The following JADE3 variants were observed in gnomAD, a reference collection of about 807,000 sequenced individuals.
JADE3 encodes jade family PHD finger 3.
Under a neutral mutation model 50.1 loss-of-function variants are expected in JADE3, and 2 were observed. The ratio of observed to expected loss-of-function variants is 0.04; its 90% CI spans 0.02 to 0.13. The LOEUF (loss-of-function observed/expected upper bound fraction) is 0.13, where lower values mean the gene tolerates loss of function less well. Among genes scored for constraint, JADE3 ranks in the 10% least tolerant of loss-of-function variants. JADE3 has a pLI of 1.00. For missense variants in JADE3, 475 were observed against 634.4 expected (o/e 0.75, Z 2.70); for synonymous variants, 218 against 232.9 (o/e 0.94, Z 0.58).
intron 1 of JADE3, among the ~76,000 whole-genome samples, chrX:46,927,064 A>G (rs781814043): frequency 1.8e-5 from 2 of 112,239 alleles, no homozygotes; most frequent in Non-Finnish European, 3.8e-5. Context: ...TGGTAAAACT[A>G]GTTAGCTAGA....
At chrX:47,032,625 G>C (rs1929046489) in intron 6 of JADE3, among the ~76,000 whole-genome samples, 1 of 111,468 alleles carries the variant, frequency 9.0e-6, no homozygotes, top group South Asian at 3.8e-4. Flanking sequence ...AGGAACGTCA[G>C]AGTCTTGGGG....
At position 46,983,793 on chromosome X, in the gene JADE3, G is replaced by T. The variant is rs183551953; in HGVS notation, c.-11-1091G>T. 9.2e-3 allele frequency among the ~76,000 whole-genome samples: 1,024 copies of T among 111,411 alleles called. 10 individuals are homozygous for T. Among genetic ancestry groups the T allele is most frequent in the Non-Finnish European group, 0.015 (787 of 53,083 alleles). ...CATTTCCAGAGACTTTAAATGGTTG[G>T]TTTTTTTTTAATTGAAATAACTTTC... On this transcript the variant is annotated intron_variant, in intron 1 of 10. Transcript: ENST00000614628.
In JADE3 at chrX:46,921,677, A is replaced by T. The variant is rs782137951; in HGVS notation, c.-12+8958A>T. On this transcript the variant is annotated intron_variant, in intron 1 of 10. Coordinates refer to ENST00000614628, the MANE Select transcript of JADE3 (RefSeq NM_014735.5). ...CTTTTCCAATGCTTTTCATTTCTTT[A>T]TGGTAATCCAGGTTTCCTACCTTGA... 3.6e-5 allele frequency among the ~76,000 whole-genome samples: 4 copies of T among 111,411 alleles called. No homozygotes were observed. The East Asian group carries it at 8.5e-4, about 24-fold the overall frequency.
chrX:47,024,767 C>G lies in JADE3; in HGVS notation c.328C>G (p.Arg110Gly). The change falls in exon 5 of 11, where the codon CGG becomes GGG. Residue 110 changes from arginine (R) to glycine (G), a missense_variant. This residue lies in a region of JADE3 where 54 missense variants were observed against 51.8 expected (regional missense o/e 1.04). Transcript: ENST00000614628. ...AAAGGACGTTCTGTTTATCCGACCC[C>G]GGAAGTATATTCACTGCTCCAGCCC... ...KVKDVLFIRPRKYIHCSSPDT... is the reference protein window; with the variant it reads ...KVKDVLFIRPGKYIHCSSPDT... 1 of 1,199,415 alleles carries G rather than the reference C, an allele frequency of 8.3e-7. No individual in the cohort carries two copies. The highest frequency in any genetic ancestry group is 1.1e-6 in the Non-Finnish European group (1 of 886,156).
intron 1 of JADE3, among the ~76,000 whole-genome samples, chrX:46,976,609 T>C (rs782417737): frequency 8.9e-6 from 1 of 112,170 alleles, no homozygotes; most frequent in Non-Finnish European, 1.9e-5. Context: ...TGCTCTGATC[T>C]GAGGACTAGA....
At chrX:46,991,598 G>A (rs1038574696) in intron 3 of JADE3, among the ~76,000 whole-genome samples, 3 of 111,685 alleles carry the variant, frequency 2.7e-5, no homozygotes, top group Non-Finnish European at 5.7e-5. Flanking sequence ...GGGTCATATA[G>A]TAACTCTACT....
At chrX:46,917,268 A>G (rs781825752) in intron 1 of JADE3, among the ~76,000 whole-genome samples, 3 of 110,519 alleles carry the variant, frequency 2.7e-5, no homozygotes, top group East Asian at 5.7e-4. Context: ...GTGTGTTTCT[A>G]TTTTTTCAAC....
chrX:46,961,535 A>G (rs1413637324), intron 1 of JADE3, among the ~76,000 whole-genome samples: 1 of 112,320 alleles, frequency 8.9e-6, no homozygotes, highest in Non-Finnish European at 1.9e-5. Context: ...AAAATGAAAT[A>G]TTTCTGTTTC....
chrX:46,947,014 CTTCTTTTCTT>C (rs782267780), intron 1 of JADE3, among the ~76,000 whole-genome samples: 1 of 111,010 alleles, frequency 9.0e-6, no homozygotes, highest in African/African-American at 3.3e-5. Flanking sequence ...TTTCTTTTCT[CTTCTTTTCTT>C]TTCTTTTCTC....
At position 46,947,773 on chromosome X, in the gene JADE3, G is replaced by A. The variant is rs1210489592; in HGVS notation, c.-12+35054G>A. Reference sequence around the variant, plus strand: ...GCTCATCCCCAGCATGAGAGGTACCGTGCCGTTTGGTCCATGTCCTGATAA... The same window carrying A: ...GCTCATCCCCAGCATGAGAGGTACCATGCCGTTTGGTCCATGTCCTGATAA... On this transcript the variant is annotated intron_variant, in intron 1 of 10. Transcript: ENST00000614628. Among the ~76,000 whole-genome samples the A allele has an allele frequency of 7.2e-5, 8 of 111,465 alleles. No individual in the cohort carries two copies. In the East Asian group the frequency reaches 2.0e-3, roughly 27 times the overall value.
chrX:46,940,898 A>G (rs1926737749), intron 1 of JADE3, among the ~76,000 whole-genome samples: 1 of 112,029 alleles, frequency 8.9e-6, no homozygotes, highest in Non-Finnish European at 1.9e-5. Context: ...CTAAGAAACA[A>G]CCTAGAAACT....
chrX:46,917,452 G>A (rs1164972391), intron 1 of JADE3, among the ~76,000 whole-genome samples: 2 of 111,024 alleles, frequency 1.8e-5, no homozygotes, highest in African/African-American at 6.6e-5. Context: ...GTGAAGCAAA[G>A]GTAACTTGCC....
intron 1 of JADE3, among the ~76,000 whole-genome samples, chrX:46,935,489 T>A (rs1456182240): frequency 9.1e-6 from 1 of 110,396 alleles, no homozygotes; most frequent in Non-Finnish European, 1.9e-5. Context: ...AGGTGAACAG[T>A]GGGCAAGCAA....
chrX:47,049,354 G>A lies in JADE3; in HGVS notation c.973-4804G>A, dbSNP rs370322477. On this transcript the variant is annotated intron_variant, in intron 8 of 10. Coordinates refer to ENST00000614628, the MANE Select transcript of JADE3 (RefSeq NM_014735.5). ...GGTGCCCGCCTGTAATTTTTAGTAG[G>A]GATGGGGTTTCACCATCTTGGCCAG... 4.5e-3 allele frequency among the ~76,000 whole-genome samples: 494 copies of A among 108,728 alleles called. 2 individuals are homozygous for A. Among genetic ancestry groups the A allele is most frequent in the African/African-American group, 0.016 (474 of 29,794 alleles). 94.4% of individuals were successfully genotyped at this position (108,728 alleles called of 115,157 possible). A position where few individuals can be genotyped will look rare whatever the true frequency, so the allele number is the denominator to read the frequency against.
intron 3 of JADE3, among the ~76,000 whole-genome samples, chrX:46,993,702 A>G (rs1266099449): frequency 2.7e-5 from 3 of 111,954 alleles, no homozygotes; most frequent in African/African-American, 9.7e-5. Context: ...AAATATTTCC[A>G]TGGGTTTTAA....
intron 3 of JADE3, among the ~76,000 whole-genome samples, chrX:46,993,378 A>T (rs1372321852): frequency 8.9e-6 from 1 of 112,343 alleles, no homozygotes; most frequent in Non-Finnish European, 1.9e-5. Flanking sequence ...ACAGCAGATA[A>T]AAAGCACTGA....
At chrX:46,935,891 C>T (rs931378971) in intron 1 of JADE3, among the ~76,000 whole-genome samples, 4 of 92,768 alleles carry the variant, frequency 4.3e-5, no homozygotes, top group African/African-American at 1.3e-4. Context: ...AGTGCAGTGG[C>T]GTGAACACGG....
intron 1 of JADE3, among the ~76,000 whole-genome samples, chrX:46,947,547 C>A (rs781999910): frequency 9.0e-6 from 1 of 111,549 alleles, no homozygotes; most frequent in Admixed American, 9.5e-5. Flanking sequence ...TAGTCATATT[C>A]TAATCCTGCC....
intron 1 of JADE3, among the ~76,000 whole-genome samples, chrX:46,956,515 T>G (rs782200703): frequency 3.6e-5 from 4 of 112,214 alleles, no homozygotes; most frequent in African/African-American, 1.3e-4. Flanking sequence ...GTAATATCTT[T>G]TTTTCTTTTT....
Sources: gnomAD v4.1 joint callset for allele counts (sites outside exome capture counted in the v4.1 genomes callset) on GRCh38, gnomAD v4.1.1 for gene constraint, gnomAD v4.1.1 regional missense constraint, MANE v1.5 for transcripts, NCBI Gene and HGNC (gene_info 2026-07-23, HGNC 2026-07-21) for gene names.